Variants in FGD6 observed in about 807,000 individuals in gnomAD.
The protein encoded by FGD6 is FYVE, RhoGEF and PH domain-containing protein 6.
Under a neutral mutation model 149.4 loss-of-function variants are expected in FGD6, and 90 were observed. The ratio of observed to expected loss-of-function variants is 0.60; its 90% CI spans 0.51 to 0.72. The LOEUF is 0.72. FGD6 is among the 30% of genes least tolerant of loss of function. The pLI, the probability that FGD6 is intolerant of heterozygous loss-of-function variation, is 0.00. For missense variants in FGD6, 1,437 were observed against 1,684.8 expected, an observed-to-expected ratio of 0.85 and a Z score of 2.57; for synonymous variants, 527 against 584.0, an observed-to-expected ratio of 0.90 and a Z score of 1.41.
At chr12:95,123,360 C>T (rs1336525201) in intron 8 of FGD6, among the ~76,000 whole-genome samples, 2 of 152,048 alleles carry the variant, frequency 1.3e-5, no homozygotes, top group Admixed American at 6.6e-5. Flanking sequence ...CCTGATCTAT[C>T]CTAGACTTTG....
At chr12:95,113,407 A>ATT (rs951556331) in intron 9 of FGD6, among the ~76,000 whole-genome samples, 2 of 150,812 alleles carry the variant, frequency 1.3e-5, no homozygotes, top group African/African-American at 4.9e-5. Context: ...TAGTTTTTGT[A>ATT]TTTTTTTTAG....
chr12:95,194,582 T>C lies in FGD6; in HGVS notation c.2441+14261A>G, dbSNP rs1327146570. On this transcript the variant is annotated intron_variant, in intron 2 of 20. Coordinates refer to ENST00000343958, the MANE Select transcript of FGD6 (RefSeq NM_018351.4). ...AAAACAATCTGAAATAGACTAGTGG[T>C]TGCCAGGGGTTGACGGGAAGAGGTG... Among the ~76,000 whole-genome samples the C allele has an allele frequency of 2.8e-5, 4 of 141,268 alleles. No individual in the cohort carries two copies. In the Admixed American group the frequency reaches 2.9e-4, roughly 10 times the overall value. The allele number at this position is 141,268 out of a possible 152,430, so 92.7% of individuals were successfully genotyped here.
intron 3 of FGD6, among the ~76,000 whole-genome samples, chr12:95,154,938 T>C (rs1039176687): frequency 6.6e-6 from 1 of 151,902 alleles, no homozygotes; most frequent in African/African-American, 2.4e-5. Context: ...TTTGGGAAAA[T>C]TTTTTTTTCT....
intron 14 of FGD6, chr12:95,100,812 T>C (rs898826284): frequency 3.9e-5 from 17 of 436,206 alleles, no homozygotes; most frequent in African/African-American, 3.3e-4. Flanking sequence ...CCAACATTGA[T>C]GGTAAGGATC....
chr12:95,216,995 C>A (rs567877054), intron 1 of FGD6, among the ~76,000 whole-genome samples: 15 of 152,332 alleles, frequency 9.8e-5, no homozygotes, highest in Admixed American at 4.6e-4. Context: ...CAGCACAGTC[C>A]CCCTTGGAAG....
At chr12:95,168,140 G>A (rs893574168) in intron 3 of FGD6, among the ~76,000 whole-genome samples, 6 of 152,024 alleles carry the variant, frequency 3.9e-5, no homozygotes, top group South Asian at 2.1e-4. Flanking sequence ...AAAATTACTC[G>A]ACCAAGGTCA....
At chr12:95,153,356 T>C (rs1880365888) in intron 3 of FGD6, among the ~76,000 whole-genome samples, 1 of 152,060 alleles carries the variant, frequency 6.6e-6, no homozygotes, top group Admixed American at 6.6e-5. Context: ...CTCCTTTGGG[T>C]GTGTACAAAT....
Position 95,172,694 on chromosome 12 carries a change from G to C in FGD6, c.2492C>G (p.Pro831Arg), listed in dbSNP as rs1456120522. 6.2e-7 allele frequency: 1 copy of C among 1,612,468 alleles called. No individual in the cohort carries two copies. Among genetic ancestry groups the C allele is most frequent in the Non-Finnish European group, 8.5e-7 (1 of 1,179,186 alleles). Reference protein sequence around the residue: ...EQNDLGLGDLPSDEEEIINSS... With the variant: ...EQNDLGLGDLRSDEEEIINSS... Reference sequence around the variant, plus strand: ...GTTGATGATTTCCTCCTCATCAGAGGGAAGGTCACCAAGACCAAGATCATT... The same window carrying C: ...GTTGATGATTTCCTCCTCATCAGAGCGAAGGTCACCAAGACCAAGATCATT... The change falls in exon 3 of 21, where the codon CCC (proline) becomes CGC (arginine). Residue 831 changes from proline (P) to arginine (R), a missense_variant. Physicochemically the swap from Pro to Arg is moderately radical, Grantham distance 103. This residue lies in a region of FGD6 where 1,055 missense variants were observed against 1,146.0 expected (regional missense o/e 0.92). Transcript: ENST00000343958.
At chr12:95,173,800 C>T (rs1236466659) in intron 2 of FGD6, among the ~76,000 whole-genome samples, 2 of 152,094 alleles carry the variant, frequency 1.3e-5, no homozygotes, top group African/African-American at 4.8e-5. Context: ...TTGCATTCCA[C>T]TCTGGCAGGC....
At chr12:95,208,807 T>C (rs1287144295) in intron 2 of FGD6, 36 bp downstream of exon 2, 5 of 1,576,272 alleles carry the variant, frequency 3.2e-6, no homozygotes, top group Non-Finnish European at 4.3e-6. Flanking sequence ...TTAATTGCAA[T>C]GATGCATGCA....
intron 1 of FGD6, 102 bp from the exon 2 acceptor site, chr12:95,211,369 G>A (rs748755606): frequency 6.7e-6 from 9 of 1,351,748 alleles, no homozygotes; most frequent in Non-Finnish European, 8.8e-6. Flanking sequence ...ATATGACCTT[G>A]CCTTTTACTG....
chr12:95,160,618 C>G (rs1335140229), intron 3 of FGD6, among the ~76,000 whole-genome samples: 1 of 152,198 alleles, frequency 6.6e-6, no homozygotes, highest in Non-Finnish European at 1.5e-5. Context: ...TGCCTCCACC[C>G]ATAGTCTCCA....
chr12:95,140,164 T>C (rs1168944640), intron 6 of FGD6, among the ~76,000 whole-genome samples: 1 of 152,212 alleles, frequency 6.6e-6, no homozygotes, highest in African/African-American at 2.4e-5. Flanking sequence ...CTTATTCTAA[T>C]CATGTTGTGT....
In FGD6 at chr12:95,210,369, T is replaced by C. The variant is rs777726464; in HGVS notation, c.915A>G (p.Leu305=). Residue 305 remains leucine, a synonymous_variant, in exon 2 of 21, where the codon TTA becomes TTG. Transcript: ENST00000343958. The stretch of plus-strand genomic sequence containing the variant: ...TTGGAAATTTTGGGGTATATGGTAC[T>C]AAATGAATTTCTAAGGGACCAAGGT... ...VKDLGPLEIH[L]VPYTPKFPTP... is the part of the protein sequence containing the mutation. 17 of 1,613,606 alleles carry C rather than the reference T, an allele frequency of 1.1e-5. No individual in the cohort carries two copies. Among genetic ancestry groups the C allele is most frequent in the Non-Finnish European group, 1.4e-5 (17 of 1,179,952 alleles).
intron 2 of FGD6, among the ~76,000 whole-genome samples, chr12:95,197,126 G>A (rs1881753706): frequency 6.6e-6 from 1 of 151,962 alleles, no homozygotes; most frequent in Non-Finnish European, 1.5e-5. Context: ...CCAGTATCCA[G>A]GTCCTACTCT....
chr12:95,113,524 C>A, intron 9 of FGD6, 127 bp downstream of exon 9: 2 of 735,808 alleles, frequency 2.7e-6, no homozygotes, highest in Non-Finnish European at 4.5e-6. Flanking sequence ...GTGTGAGCCA[C>A]CGCACCTGCC....
chr12:95,212,170 C>T (rs983927507), intron 1 of FGD6, among the ~76,000 whole-genome samples: 1 of 152,124 alleles, frequency 6.6e-6, no homozygotes. Context: ...TATTCCTTCA[C>T]GGAGCTCTAT....
At chr12:95,090,157 A>C (rs1236571449) in intron 17 of FGD6, among the ~76,000 whole-genome samples, 1 of 152,020 alleles carries the variant, frequency 6.6e-6, no homozygotes, top group Non-Finnish European at 1.5e-5. Flanking sequence ...AATAAGATAA[A>C]AGCTGGCCAT....
At chr12:95,170,746 T>C (rs112433760) in intron 3 of FGD6, among the ~76,000 whole-genome samples, 2,551 of 152,284 alleles carry the variant, frequency 0.017, 52 homozygotes, top group African/African-American at 0.058. Context: ...CTATAAACAT[T>C]TGTAGAATCT....
Sources: allele counts gnomAD v4.1 joint callset (sites outside exome capture counted in the v4.1 genomes callset), GRCh38; gene constraint gnomAD v4.1.1; regional missense constraint gnomAD v4.1.1; transcripts MANE v1.5; gene names NCBI Gene and HGNC (gene_info 2026-07-23, HGNC 2026-07-21).